The following ASIC2 variants were observed in gnomAD, a reference collection of about 807,000 sequenced individuals.
ASIC2 encodes acid-sensing ion channel 2.
In ASIC2, 25 loss-of-function variants were observed where a neutral mutation model predicts 57.3. The ratio of observed to expected loss-of-function variants is 0.44; its 90% CI spans 0.32 to 0.61. ASIC2 has a LOEUF of 0.61. ASIC2 is among the 20% of genes least tolerant of loss of function. The pLI, the probability that ASIC2 is intolerant of heterozygous loss-of-function variation, is 0.06. For missense variants in ASIC2, 641 were observed against 738.1 expected, an observed-to-expected ratio of 0.87 and a Z score of 1.52; for synonymous variants, 319 against 307.5, an observed-to-expected ratio of 1.04 and a Z score of -0.39.
At chr17:33,578,357 A>T (rs1351259120) in intron 1 of ASIC2, among the ~76,000 whole-genome samples, 1 of 152,158 alleles carries the variant, frequency 6.6e-6, no homozygotes, top group Admixed American at 6.5e-5. Context: ...TCTGAGCCTT[A>T]ATTTTTATTT....
rs531384617 is a variant in ASIC2, at chr17:33,773,385, G to A, written c.555+382593C>T. Among the ~76,000 whole-genome samples the A allele has an allele frequency of 2.0e-5, 3 of 152,244 alleles. No individual in the cohort carries two copies. The East Asian group carries it at 5.8e-4, about 29-fold the overall frequency. On this transcript the variant is annotated intron_variant, in intron 1 of 9. Transcript: ENST00000359872. ...AACCCCCAAAGGCAGGGAGACTGCTGCTCAACTGAGCAGAGAATTAGCTTG... is the reference window on the plus strand; with the variant it reads ...AACCCCCAAAGGCAGGGAGACTGCTACTCAACTGAGCAGAGAATTAGCTTG...
intron 1 of ASIC2, among the ~76,000 whole-genome samples, chr17:33,707,053 G>C (rs1343637857): frequency 6.6e-6 from 1 of 152,170 alleles, no homozygotes; most frequent in African/African-American, 2.4e-5. Context: ...CTAGGAAACT[G>C]ATTTTACCTC....
At chr17:33,683,752 A>G (rs1174476093) in intron 1 of ASIC2, among the ~76,000 whole-genome samples, 1 of 152,136 alleles carries the variant, frequency 6.6e-6, no homozygotes, top group African/African-American at 2.4e-5. Context: ...TATGTTGCCC[A>G]GGCTGGTCTC....
intron 1 of ASIC2, among the ~76,000 whole-genome samples, chr17:33,840,647 T>A (rs945513606): frequency 2.0e-5 from 3 of 152,172 alleles, no homozygotes; most frequent in African/African-American, 7.2e-5. Context: ...GGAGTTGACA[T>A]CTACTAGTTG....
chr17:33,080,455 C>T (rs112189326), intron 3 of ASIC2, among the ~76,000 whole-genome samples: 2 of 152,086 alleles, frequency 1.3e-5, no homozygotes, highest in African/African-American at 2.4e-5. Context: ...ACTGCAGGCC[C>T]CCCTTATCCA....
intron 1 of ASIC2, among the ~76,000 whole-genome samples, chr17:33,459,765 C>T (rs1178757418): frequency 6.6e-6 from 1 of 152,194 alleles, no homozygotes; most frequent in Non-Finnish European, 1.5e-5. Context: ...CCAGGAGCAG[C>T]AGCTGGCCCT....
intron 6 of ASIC2, among the ~76,000 whole-genome samples, chr17:33,023,189 C>T (rs1239881966): frequency 1.3e-5 from 2 of 152,088 alleles, no homozygotes; most frequent in Non-Finnish European, 2.9e-5. Context: ...ACTATACATC[C>T]TTTAAAAAAA....
intron 1 of ASIC2, among the ~76,000 whole-genome samples, chr17:34,143,545 G>T (rs1912329927): frequency 6.6e-6 from 1 of 152,184 alleles, no homozygotes; most frequent in Admixed American, 6.5e-5. Flanking sequence ...GCATGCATCT[G>T]GTTCCCCTCC....
intron 1 of ASIC2, among the ~76,000 whole-genome samples, chr17:33,209,505 A>G (rs945018530): frequency 3.3e-5 from 5 of 152,224 alleles, no homozygotes; most frequent in African/African-American, 1.2e-4. Flanking sequence ...TAGGATATTT[A>G]GCAGCATCCT....
chr17:33,052,065 A>C (rs2091978927), intron 3 of ASIC2: 1 of 152,226 alleles, frequency 6.6e-6, no homozygotes, highest in Non-Finnish European at 1.5e-5. Flanking sequence ...TGACTGCTAG[A>C]AACCAAATGG....
chr17:33,455,614 C>T (rs1442237331), intron 1 of ASIC2, among the ~76,000 whole-genome samples: 1 of 152,118 alleles, frequency 6.6e-6, no homozygotes, highest in Admixed American at 6.5e-5. Context: ...CTAGTGTGCA[C>T]CTTTTTAGAT....
chr17:33,359,761 C>T (rs1283853459), intron 1 of ASIC2, among the ~76,000 whole-genome samples: 3 of 152,182 alleles, frequency 2.0e-5, no homozygotes, highest in Non-Finnish European at 4.4e-5. Context: ...TTCCTGTTGC[C>T]TCCCAGAATA....
intron 1 of ASIC2, among the ~76,000 whole-genome samples, chr17:33,345,788 G>T (rs568353085): frequency 6.6e-6 from 1 of 152,150 alleles, no homozygotes; most frequent in African/African-American, 2.4e-5. Context: ...GATCTGACAC[G>T]TCTTTAAAAA....
At chr17:33,575,444 T>C (rs1436182171) in intron 1 of ASIC2, among the ~76,000 whole-genome samples, 1 of 152,200 alleles carries the variant, frequency 6.6e-6, no homozygotes, top group Non-Finnish European at 1.5e-5. Context: ...CCTTTAGGTA[T>C]AAATAATAAC....
intron 1 of ASIC2, among the ~76,000 whole-genome samples, chr17:33,587,550 C>G (rs954351144): frequency 2.6e-5 from 4 of 152,190 alleles, no homozygotes; most frequent in Non-Finnish European, 5.9e-5. Context: ...CAGTGATTGA[C>G]AAGAAGGTGA....
intron 1 of ASIC2, among the ~76,000 whole-genome samples, chr17:33,908,423 GAATCAGC>G (rs1257937042): frequency 6.6e-6 from 1 of 152,208 alleles, no homozygotes; most frequent in Non-Finnish European, 1.5e-5. Context: ...GGGAGATGAT[GAATCAGC>G]AAACATGGAG....
chr17:33,756,929 G>A (rs545535992), intron 1 of ASIC2, among the ~76,000 whole-genome samples: 1 of 152,310 alleles, frequency 6.6e-6, no homozygotes, highest in African/African-American at 2.4e-5. Context: ...CAGAAACCAA[G>A]GTGACAGCAG....
chr17:33,669,444 G>A (rs1907578825), intron 1 of ASIC2, among the ~76,000 whole-genome samples: 1 of 152,158 alleles, frequency 6.6e-6, no homozygotes, highest in South Asian at 2.1e-4. Context: ...AGGTATGTAG[G>A]TAAGTAGGCA....
chr17:33,947,239 G>C (rs543820026), intron 1 of ASIC2, among the ~76,000 whole-genome samples: 5 of 152,328 alleles, frequency 3.3e-5, no homozygotes, highest in African/African-American at 1.2e-4. Context: ...TCCAGACTGT[G>C]TCTCCCCTCC....
Sources: allele counts gnomAD v4.1 joint callset (sites outside exome capture counted in the v4.1 genomes callset), GRCh38; gene constraint gnomAD v4.1.1; transcripts MANE v1.5; gene names NCBI Gene and HGNC (gene_info 2026-07-23, HGNC 2026-07-21).